The following PDE4D variants were observed in gnomAD, a reference collection of about 807,000 sequenced individuals.
PDE4D encodes the protein 3',5'-cyclic-AMP phosphodiesterase 4D.
A neutral mutation model predicts 87.4 loss-of-function variants in PDE4D; 24 were observed. That is an observed-to-expected ratio of 0.27 (90% CI 0.20 to 0.39). PDE4D has a LOEUF of 0.39. Ranked by LOEUF, PDE4D falls within the 10% of genes least tolerant of loss-of-function variation. PDE4D has a pLI of 1.00. For missense variants in PDE4D, 714 were observed against 1,041.0 expected (o/e 0.69, Z 4.32); for synonymous variants, 384 against 383.2 (o/e 1.00, Z -0.02).
chr5:59,857,377 T>G (rs1745593161), intron 1 of PDE4D, among the ~76,000 whole-genome samples: 1 of 152,216 alleles, frequency 6.6e-6, no homozygotes, highest in Non-Finnish European at 1.5e-5. Context: ...TAACTCCAGA[T>G]AAGTCATTTT....
intron 1 of PDE4D, chr5:59,356,718 T>C: frequency 2.6e-6 from 4 of 1,542,358 alleles, no homozygotes; most frequent in Non-Finnish European, 3.5e-6. Context: ...CTAAGGCAGT[T>C]AAACAATTCT....
chr5:59,676,098 T>TACACACAC (rs145556614), intron 1 of PDE4D, among the ~76,000 whole-genome samples: 1 of 149,818 alleles, frequency 6.7e-6, no homozygotes, highest in African/African-American at 2.5e-5. Flanking sequence ...TATATGTATA[T>TACACACAC]ACACACACAC....
chr5:59,222,635 T>C (rs1216659991), intron 1 of PDE4D, among the ~76,000 whole-genome samples: 2 of 152,178 alleles, frequency 1.3e-5, no homozygotes, highest in Non-Finnish European at 2.9e-5. Context: ...GAAAGCTGCC[T>C]TTTTCACTAC....
chr5:59,847,966 T>G (rs1744111314), intron 1 of PDE4D, among the ~76,000 whole-genome samples: 1 of 152,096 alleles, frequency 6.6e-6, no homozygotes, highest in Admixed American at 6.6e-5. Context: ...TTATGTTTCT[T>G]ATTTCATAAC....
chr5:60,146,548 C>A (rs1161240906), intron 2 of PDE4D, among the ~76,000 whole-genome samples: 2 of 152,146 alleles, frequency 1.3e-5, no homozygotes, highest in Non-Finnish European at 2.9e-5. Flanking sequence ...AATCATTGAT[C>A]CCTTCTTGCT....
At chr5:59,800,835 A>G (rs1767043595) in intron 1 of PDE4D, among the ~76,000 whole-genome samples, 1 of 152,218 alleles carries the variant, frequency 6.6e-6, no homozygotes, top group Admixed American at 6.5e-5. Context: ...TTGCTCTTCC[A>G]GTCTCCCTGG....
At chr5:60,381,994 A>T (rs749880251) in intron 1 of PDE4D, among the ~76,000 whole-genome samples, 6 of 152,182 alleles carry the variant, frequency 3.9e-5, no homozygotes, top group Non-Finnish European at 7.3e-5. Context: ...GTTTAATTTT[A>T]TATATTAAGC....
Position 59,971,012 on chromosome 5 carries a change from G to C in PDE4D, c.272+17476C>G, listed in dbSNP as rs866931572. On this transcript the variant is annotated intron_variant, in intron 3 of 16. Coordinates refer to the PDE4D transcript ENST00000502484. ...GAAAATGTGGCACATATACACCATG[G>C]AATACTATGTGGCCATAAAAAATGA... 3.9e-5 allele frequency among the ~76,000 whole-genome samples: 6 copies of C among 152,084 alleles called. 1 individual carries two copies. The Middle Eastern group carries it at 0.014, about 345-fold the overall frequency.
At chr5:59,065,603 C>G (rs551055578) in intron 5 of PDE4D, among the ~76,000 whole-genome samples, 1 of 152,170 alleles carries the variant, frequency 6.6e-6, no homozygotes, top group Non-Finnish European at 1.5e-5. Flanking sequence ...ATACCTGTCT[C>G]CAAACATCTT....
intron 3 of PDE4D, among the ~76,000 whole-genome samples, chr5:59,978,729 T>C (rs1408736906): frequency 6.6e-6 from 1 of 152,140 alleles, no homozygotes; most frequent in East Asian, 1.9e-4. Flanking sequence ...ACAGAGAAAT[T>C]GTTCATGAAA....
chr5:60,050,515 T>C (rs1324488788), intron 2 of PDE4D, among the ~76,000 whole-genome samples: 2 of 152,164 alleles, frequency 1.3e-5, no homozygotes, highest in Non-Finnish European at 2.9e-5. Flanking sequence ...AGGCCTGCCT[T>C]ACAAGAGCTC....
intron 4 of PDE4D, among the ~76,000 whole-genome samples, chr5:59,184,933 C>T (rs530354640): frequency 7.2e-5 from 11 of 152,172 alleles, no homozygotes; most frequent in South Asian, 2.1e-4. Flanking sequence ...AATAACTGGG[C>T]GGAGGACTGA....
chr5:60,153,171 C>T (rs1781664435), intron 2 of PDE4D, among the ~76,000 whole-genome samples: 1 of 152,124 alleles, frequency 6.6e-6, no homozygotes, highest in Admixed American at 6.5e-5. Context: ...ACCCAAACAA[C>T]TCAGTATCAA....
Position 59,273,347 on chromosome 5 carries a change from GTATACATA to G in PDE4D, c.456-57387_456-57380del, listed in dbSNP as rs11280004. 5.9e-3 allele frequency among the ~76,000 whole-genome samples: 896 copies of G among 152,050 alleles called. 5 individuals are homozygous for G. The highest frequency in any genetic ancestry group is 0.021 in the African/African-American group (859 of 41,490). On this transcript the variant is annotated intron_variant, in intron 1 of 14. Transcript: ENST00000340635. ...TAAACATGTGTGTGTGTATGTATGT[GTATACATA>G]TATATACACACAAACATATATTTTC...
At chr5:60,068,054 A>G (rs1772299617) in intron 2 of PDE4D, among the ~76,000 whole-genome samples, 1 of 152,180 alleles carries the variant, frequency 6.6e-6, no homozygotes, top group Non-Finnish European at 1.5e-5. Flanking sequence ...CATCTTTGAG[A>G]TCCTGATTTC....
intron 1 of PDE4D, among the ~76,000 whole-genome samples, chr5:60,224,842 T>A (rs1228814127): frequency 6.6e-6 from 1 of 152,006 alleles, no homozygotes; most frequent in Non-Finnish European, 1.5e-5. Context: ...TCGTGGCCAT[T>A]TTTAATCTGG....
intron 2 of PDE4D, among the ~76,000 whole-genome samples, chr5:60,110,121 T>C (rs1160163422): frequency 1.3e-5 from 2 of 152,036 alleles, no homozygotes; most frequent in East Asian, 1.9e-4. Flanking sequence ...ATAAAAACTA[T>C]TTGGCTAAGA....
chr5:59,600,578 TCTTAA>T (rs1280133031), intron 1 of PDE4D, among the ~76,000 whole-genome samples: 1 of 152,198 alleles, frequency 6.6e-6, no homozygotes, highest in African/African-American at 2.4e-5. Context: ...ACCAAAGGCA[TCTTAA>T]CTTAAGAAGT....
intron 3 of PDE4D, among the ~76,000 whole-genome samples, chr5:59,191,545 T>C (rs913714851): frequency 2.0e-5 from 3 of 152,044 alleles, no homozygotes; most frequent in African/African-American, 4.8e-5. Context: ...TCTGAGGTCT[T>C]AGATATAGAA....
Sources: gnomAD v4.1 joint callset for allele counts (sites outside exome capture counted in the v4.1 genomes callset) on GRCh38, gnomAD v4.1.1 for gene constraint, MANE v1.5 for transcripts, NCBI Gene and HGNC (gene_info 2026-07-23, HGNC 2026-07-21) for gene names.